CYB5R3: variants seen among roughly 807,000 people sequenced by gnomAD.
CYB5R3 encodes the protein NADH-cytochrome b5 reductase 3.
CYB5R3 carries 28 observed loss-of-function variants against 36.5 expected under a neutral mutation model. The observed-to-expected ratio is 0.77, with a 90% CI of 0.57 to 1.05. CYB5R3 has a LOEUF of 1.05. Among genes scored for constraint, CYB5R3 ranks in the 50% least tolerant of loss-of-function variants. CYB5R3 has a pLI of 0.00. For synonymous variants in CYB5R3, 181 were observed against 159.8 expected (o/e 1.13, Z -1.00); for missense variants, 474 against 408.9 (o/e 1.16, Z -1.37).
rs137127 is a variant in CYB5R3 at position 42,623,626 on chromosome 22, C to A, written c.733+163G>T. ...TTTCCGGCTGTGTGGCTTCAGTGAG[C>A]CCTTGTTCCTCATCTGTGAGACGGG... is the stretch of plus-strand genomic sequence containing the variant. On this transcript the variant is annotated intron_variant, in intron 8 of 8. Transcript: ENST00000352397. Among the ~76,000 whole-genome samples the A allele has an allele frequency of 0.15, 22,694 of 152,224 alleles. 2,306 individuals are homozygous for A. Among genetic ancestry groups the A allele is most frequent in the African/African-American group, 0.27 (11,356 of 41,518 alleles).
intron 1 of CYB5R3, among the ~76,000 whole-genome samples, chr22:42,648,057 A>C (rs1246576500): frequency 3.3e-5 from 5 of 152,326 alleles, no homozygotes; most frequent in African/African-American, 1.2e-4. Flanking sequence ...TTCTGGGGAA[A>C]AATGGGCCGG....
chr22:42,645,873 G>A (rs1320397811), intron 1 of CYB5R3, among the ~76,000 whole-genome samples: 3 of 151,976 alleles, frequency 2.0e-5, no homozygotes, highest in Non-Finnish European at 4.4e-5. Context: ...AGTGGGCACT[G>A]AGGTGGCAGG....
Position 42,628,237 on chromosome 22 carries a change from CT to C in CYB5R3, c.377del (p.Lys126ArgfsTer47). On this transcript the variant is annotated frameshift_variant, in exon 5 of 9. Transcript: ENST00000352397. LOFTEE classifies it high-confidence loss of function. Reference sequence around the variant, plus strand: ...GCATGCTCTCCAGGTACTGAGACATCTTCCCTCCAGCGGGAAACTTGGGATG... The same window carrying C: ...GCATGCTCTCCAGGTACTGAGACATCTCCCTCCAGCGGGAAACTTGGGATG... ...DTHPKFPAGGKMSQYLESMQI... is the reference protein window; with the variant it reads ...DTHPKFPAGGXMSQYLESMQI... 2 of 1,614,138 alleles carry C rather than the reference CT, an allele frequency of 1.2e-6. No individual in the cohort carries two copies. Among genetic ancestry groups the C allele is most frequent in the Non-Finnish European group, 1.7e-6 (2 of 1,179,992 alleles).
chr22:42,647,061 T>G, intron 1 of CYB5R3: 1 of 804,234 alleles, frequency 1.2e-6, no homozygotes, highest in Non-Finnish European at 1.5e-6. Context: ...GGGGCCTGCA[T>G]GTCTTAGATA....
intron 1 of CYB5R3, 125 bp from the exon 2 acceptor site, chr22:42,636,971 C>T: frequency 7.5e-7 from 1 of 1,336,864 alleles, no homozygotes; most frequent in African/African-American, 1.4e-5. Context: ...CTCCCCACCA[C>T]CCTCATCCAG....
At chr22:42,624,208 G>A (rs965690697) in intron 7 of CYB5R3, among the ~76,000 whole-genome samples, 13 of 152,318 alleles carry the variant, frequency 8.5e-5, no homozygotes, top group African/African-American at 1.4e-4. Flanking sequence ...CAAGCTGCGC[G>A]ACAGCAAAAA....
chr22:42,622,325 C>T (rs963711533), intron 8 of CYB5R3, among the ~76,000 whole-genome samples: 1 of 152,074 alleles, frequency 6.6e-6, no homozygotes, highest in Non-Finnish European at 1.5e-5. Flanking sequence ...CCCCCCACAT[C>T]ACAGGAACCC....
At position 42,623,829 on chromosome 22, in the gene CYB5R3, T is replaced by C. The variant is rs1569316939; in HGVS notation, c.693A>G (p.Ala231=). Residue 231 remains alanine (A), a synonymous_variant, in exon 8 of 9, where the codon GCA becomes GCG. Coordinates refer to ENST00000352397, the MANE Select transcript of CYB5R3 (RefSeq NM_000398.7). ...CCAGCGTGTACCAGAGCTTGAAGCG[T>C]GCAGAATGTTTGTTCCTGAGTTCCT... ...ELEELRNKHS[A]RFKLWYTLDR... The C allele has an allele frequency of 2.8e-5, 45 of 1,614,192 alleles. No homozygotes were observed. Among genetic ancestry groups the C allele is most frequent in the Non-Finnish European group, 3.8e-5 (45 of 1,180,010 alleles).
In CYB5R3 at chr22:42,619,220, A is replaced by G. The variant is rs1276525246; in HGVS notation, c.*553T>C. The G allele has an allele frequency of 6.4e-6, 1 of 155,996 alleles. No homozygotes were observed. Among genetic ancestry groups the G allele is most frequent in the African/African-American group, 2.4e-5 (1 of 41,520 alleles). The allele number at this position is 155,996 out of a possible 1,614,324, so 9.7% of individuals were successfully genotyped here. A position where few individuals can be genotyped will look rare whatever the true frequency, so the allele number is the denominator to read the frequency against. The stretch of plus-strand genomic sequence containing the variant: ...TTCCCACTCTAGCCAGAGGAGAGCC[A>G]AGCTCCCGGCTGGCCAGGGCCCTGG... On this transcript the variant is annotated 3_prime_UTR_variant, in exon 9 of 9. Transcript: ENST00000352397.
In CYB5R3 at chr22:42,628,342, C is replaced by T. The variant is rs916055432; in HGVS notation, c.334-61G>A. 17 of 1,605,418 alleles carry T rather than the reference C, an allele frequency of 1.1e-5. No homozygotes were observed. In the Admixed American group the frequency reaches 1.5e-4, roughly 14 times the overall value. ...CCAGGTCTCAGGGGCGAGCTCTTGC[C>T]CACAGTGGGAGACAAGTGCCTCTTC... On this transcript the variant is annotated intron_variant, in intron 4 of 8. Coordinates refer to ENST00000352397, the MANE Select transcript of CYB5R3 (RefSeq NM_000398.7).
At chr22:42,642,515 T>A (rs1929333028) in intron 1 of CYB5R3, among the ~76,000 whole-genome samples, 1 of 152,222 alleles carries the variant, frequency 6.6e-6, no homozygotes, top group Admixed American at 6.5e-5. Flanking sequence ...CTCAGCTCAC[T>A]GCAAGCTCTG....
At chr22:42,622,555 C>G (rs974917276) in intron 8 of CYB5R3, among the ~76,000 whole-genome samples, 1 of 152,158 alleles carries the variant, frequency 6.6e-6, no homozygotes, top group African/African-American at 2.4e-5. Context: ...GCCTGGGTCT[C>G]TCAGCCTGGA....
intron 1 of CYB5R3, among the ~76,000 whole-genome samples, chr22:42,638,758 C>T (rs1209278936): frequency 2.9e-4 from 24 of 83,200 alleles, no homozygotes; most frequent in African/African-American, 9.0e-4. Context: ...AAAGGCCGGG[C>T]GCGGTGGCTC....
chr22:42,629,762 G>C (rs1460058228), intron 4 of CYB5R3, among the ~76,000 whole-genome samples: 1 of 152,124 alleles, frequency 6.6e-6, no homozygotes, highest in African/African-American at 2.4e-5. Flanking sequence ...ATACCCACTG[G>C]TCTAGGCTGC....
At chr22:42,631,065 C>T in intron 3 of CYB5R3, 77 bp from the exon 4 acceptor site, 1 of 1,278,170 alleles carries the variant, frequency 7.8e-7, no homozygotes, top group Non-Finnish European at 1.1e-6. Flanking sequence ...ACCCACTCCC[C>T]TGCACCCCAC....
intron 1 of CYB5R3, among the ~76,000 whole-genome samples, chr22:42,638,748 A>AAAAAAAAAAAAAAAAAC: frequency 8.0e-6 from 1 of 125,062 alleles, no homozygotes; most frequent in African/African-American, 3.0e-5. Flanking sequence ...AAAAAAAAAA[A>AAAAAAAAAAAAAAAAAC]AAGGCCGGGC....
intron 2 of CYB5R3, among the ~76,000 whole-genome samples, chr22:42,635,858 C>A (rs1928862236): frequency 1.3e-5 from 2 of 152,150 alleles, no homozygotes; most frequent in Admixed American, 1.3e-4. Context: ...ATGGAAGCAG[C>A]CTTTACTGGG....
intron 4 of CYB5R3, among the ~76,000 whole-genome samples, chr22:42,630,064 T>C (rs1413796086): frequency 1.3e-5 from 2 of 152,180 alleles, no homozygotes; most frequent in Non-Finnish European, 2.9e-5. Flanking sequence ...CCTCCCAAAG[T>C]GGCTTACAGG....
intron 1 of CYB5R3, among the ~76,000 whole-genome samples, chr22:42,645,002 T>C (rs941433454): frequency 2.0e-5 from 3 of 152,092 alleles, no homozygotes; most frequent in Admixed American, 1.3e-4. Context: ...AGGCCCAGGG[T>C]GGAGCCTGGT....
Sources: gnomAD v4.1 joint callset for allele counts (sites outside exome capture counted in the v4.1 genomes callset) on GRCh38, gnomAD v4.1.1 for gene constraint, MANE v1.5 for transcripts, NCBI Gene and HGNC (gene_info 2026-07-23, HGNC 2026-07-21) for gene names.